Variants in G3BP2 observed in about 807,000 individuals in gnomAD.
The protein encoded by G3BP2 is G3BP stress granule assembly factor 2.
In G3BP2, 11 loss-of-function variants were observed where a neutral mutation model predicts 56.7. That is an observed-to-expected ratio of 0.19 (90% confidence interval 0.12 to 0.32). G3BP2 has a LOEUF of 0.32. Ranked by LOEUF, G3BP2 falls within the 10% of genes least tolerant of loss-of-function variation. The pLI is 1.00. For missense variants in G3BP2, 340 were observed against 610.9 expected (o/e 0.56, Z 4.67); for synonymous variants, 165 against 191.6 (o/e 0.86, Z 1.15).
intron 1 of G3BP2, chr4:75,672,613 C>T (rs796285248): frequency 2.0e-5 from 3 of 152,324 alleles, no homozygotes. Flanking sequence ...CGGCGGCTGC[C>T]TTCAAACCCG....
intron 3 of G3BP2, among the ~76,000 whole-genome samples, chr4:75,710,464 TG>T (rs1719713707): frequency 6.6e-6 from 1 of 152,220 alleles, no homozygotes; most frequent in Admixed American, 6.5e-5. Context: ...CTAACTTAGC[TG>T]GGAAGTAAGC....
intron 3 of G3BP2, among the ~76,000 whole-genome samples, chr4:75,716,926 C>T (rs2149116961): frequency 6.6e-6 from 1 of 152,310 alleles, no homozygotes; most frequent in East Asian, 1.9e-4. Flanking sequence ...CCTCTTTGTA[C>T]TTACAATCTT....
At chr4:75,697,273 C>CAAAAAAAAAAAAAAAAAAAAAAA (rs869037819) in intron 3 of G3BP2, among the ~76,000 whole-genome samples, 14 of 28,824 alleles carry the variant, frequency 4.9e-4, no homozygotes, top group Admixed American at 1.3e-3. Context: ...GACTCTGTCT[C>CAAAAAAAAAAAAAAAAAAAAAAA]AAAAAAAAAA....
chr4:75,723,495 C>T (rs1720263087), intron 1 of G3BP2, among the ~76,000 whole-genome samples: 1 of 152,130 alleles, frequency 6.6e-6, no homozygotes, highest in Non-Finnish European at 1.5e-5. Context: ...GAGCAGAACA[C>T]CTATTTGAGA....
chr4:75,668,915 C>T (rs1424092625), intron 1 of G3BP2, among the ~76,000 whole-genome samples: 1 of 152,176 alleles, frequency 6.6e-6, no homozygotes, highest in Non-Finnish European at 1.5e-5. Flanking sequence ...AAATTACTAA[C>T]TGTACACCTG....
intron 3 of G3BP2, among the ~76,000 whole-genome samples, chr4:75,708,021 C>T (rs1719618771): frequency 6.6e-6 from 1 of 152,170 alleles, no homozygotes; most frequent in Admixed American, 6.5e-5. Flanking sequence ...CAACTATGTG[C>T]ATCGACAAAG....
intron 1 of G3BP2, among the ~76,000 whole-genome samples, chr4:75,671,738 TAATCTTA>T (rs1324446246): frequency 1.3e-5 from 2 of 152,072 alleles, no homozygotes; most frequent in Non-Finnish European, 2.9e-5. Flanking sequence ...CCCATAAGAG[TAATCTTA>T]AACATTTAAG....
At chr4:75,688,897 GATATAA>G (rs1440085575) in intron 3 of G3BP2, among the ~76,000 whole-genome samples, 2 of 152,178 alleles carry the variant, frequency 1.3e-5, no homozygotes, top group Non-Finnish European at 2.9e-5. Context: ...CATGACTGCT[GATATAA>G]ATAATTCAGA....
At chr4:75,660,880 T>A (rs1201073158) in intron 2 of G3BP2, among the ~76,000 whole-genome samples, 1 of 152,182 alleles carries the variant, frequency 6.6e-6, no homozygotes, top group Non-Finnish European at 1.5e-5. Context: ...CTACACATAA[T>A]ATAAATCAAT....
At chr4:75,654,681 G>C (rs1198199457) in intron 7 of G3BP2, among the ~76,000 whole-genome samples, 2 of 152,122 alleles carry the variant, frequency 1.3e-5, no homozygotes, top group African/African-American at 4.8e-5. Context: ...CAAACAACAG[G>C]TATCTCTTCT....
intron 3 of G3BP2, among the ~76,000 whole-genome samples, chr4:75,715,577 T>C (rs1719899247): frequency 6.6e-6 from 1 of 152,068 alleles, no homozygotes; most frequent in Non-Finnish European, 1.5e-5. Flanking sequence ...CCTTCCCAGG[T>C]TGTCAGAAAA....
chr4:75,684,629 T>C (rs1718496692), intron 3 of G3BP2, among the ~76,000 whole-genome samples: 1 of 152,126 alleles, frequency 6.6e-6, no homozygotes, highest in African/African-American at 2.4e-5. Context: ...AACTGCAGCC[T>C]CAAACTCCTC....
At chr4:75,697,272 T>TAAAAAAAA (rs1719156981) in intron 3 of G3BP2, among the ~76,000 whole-genome samples, 1 of 18,226 alleles carries the variant, frequency 5.5e-5, no homozygotes. Flanking sequence ...AGACTCTGTC[T>TAAAAAAAA]CAAAAAAAAA....
rs1732179730 is a variant in G3BP2 at position 75,657,163 on chromosome 4, TATAAA to T, written c.352-154_352-150del. On this transcript the variant is annotated intron_variant, in intron 4 of 11. Transcript: ENST00000359707. ...AATGCTGAACATGCTATGATGTTTA[TATAAA>T]ATAAAAAGGTCACTCAAAAAAACAT... is the stretch of plus-strand genomic sequence containing the variant. The T allele has an allele frequency of 3.2e-5, 17 of 526,774 alleles. No individual in the cohort carries two copies. The East Asian group carries it at 3.7e-4, about 11-fold the overall frequency. 32.6% of individuals were successfully genotyped at this position (526,774 alleles called of 1,614,324 possible).
At chr4:75,712,556 A>G (rs1719798373) in intron 3 of G3BP2, among the ~76,000 whole-genome samples, 2 of 152,196 alleles carry the variant, frequency 1.3e-5, no homozygotes, top group African/African-American at 4.8e-5. Flanking sequence ...ATATTTTTTA[A>G]ACTGCAAAGA....
At chr4:75,711,734 T>C (rs1719766997) in intron 3 of G3BP2, among the ~76,000 whole-genome samples, 1 of 151,374 alleles carries the variant, frequency 6.6e-6, no homozygotes, top group South Asian at 2.1e-4. Flanking sequence ...TAATATAATA[T>C]AATATAAAGG....
chr4:75,689,856 G>A (rs540089878), intron 3 of G3BP2, among the ~76,000 whole-genome samples: 3 of 152,116 alleles, frequency 2.0e-5, no homozygotes, highest in Non-Finnish European at 4.4e-5. Flanking sequence ...CACAAAAGAA[G>A]ATATATTTTA....
upstream of G3BP2, among the ~76,000 whole-genome samples, chr4:75,677,257 TG>T (rs1166872857): frequency 6.6e-6 from 1 of 152,180 alleles, no homozygotes; most frequent in Admixed American, 6.6e-5. Context: ...CCACTTTTGC[TG>T]ATGAAGTAGG....
intron 3 of G3BP2, among the ~76,000 whole-genome samples, chr4:75,719,326 C>T (rs1246799581): frequency 1.7e-5 from 2 of 114,310 alleles, no homozygotes; most frequent in African/African-American, 6.9e-5. Context: ...CCAGCCTGGG[C>T]GACAGAGCAA....
Sources: allele counts gnomAD v4.1 joint callset (sites outside exome capture counted in the v4.1 genomes callset), GRCh38; gene constraint gnomAD v4.1.1; transcripts MANE v1.5; gene names NCBI Gene and HGNC (gene_info 2026-07-23, HGNC 2026-07-21).